Variants in TIAM1 observed in about 807,000 individuals in gnomAD.
The protein encoded by TIAM1 is TIAM Rac1 associated GEF 1, also known as rho guanine nucleotide exchange factor TIAM1.
A neutral mutation model predicts 163.5 loss-of-function variants in TIAM1; 65 were observed. That is an observed-to-expected ratio of 0.40 (90% CI 0.33 to 0.49). The LOEUF (loss-of-function observed/expected upper bound fraction) is 0.49, where lower values mean the gene tolerates loss of function less well. Among genes scored for constraint, TIAM1 ranks in the 20% least tolerant of loss-of-function variants. TIAM1 has a pLI of 0.77. For missense variants in TIAM1, 1,789 were observed against 2,044.7 expected (o/e 0.87, Z 2.41); for synonymous variants, 833 against 810.1 (o/e 1.03, Z -0.48).
At chr21:31,147,673 GAT>G (rs906092810) in intron 19 of TIAM1, among the ~76,000 whole-genome samples, 22 of 137,732 alleles carry the variant, frequency 1.6e-4, no homozygotes, top group African/African-American at 2.7e-4. Context: ...ATAATATATA[GAT>G]ATATATAAAT....
At position 31,423,379 on chromosome 21, in the gene TIAM1, T is replaced by G. The variant is rs185771526; in HGVS notation, c.-369+40604A>C. On this transcript the variant is annotated intron_variant, in intron 2 of 28. Transcript: ENST00000286827. ...TCCCAAAGCGCTGGGATTACAGGCG[T>G]GAGCCACCGCGCCCAGCCTGGCACT... is the stretch of plus-strand genomic sequence containing the variant. Among the ~76,000 whole-genome samples the G allele has an allele frequency of 3.9e-5, 6 of 152,170 alleles. No individual in the cohort carries two copies. In the East Asian group the frequency reaches 1.2e-3, roughly 30 times the overall value.
intron 2 of TIAM1, among the ~76,000 whole-genome samples, chr21:31,432,091 C>CTTTTTTTTTTTTTTTT (rs11291911): frequency 4.3e-5 from 4 of 93,664 alleles, no homozygotes; most frequent in African/African-American, 1.8e-4. Flanking sequence ...TCTAAGATTC[C>CTTTTTTTTTTTTTTTT]TTTTTTTTTT....
chr21:31,178,303 C>CTTTTTTTTT (rs10671534), intron 15 of TIAM1, among the ~76,000 whole-genome samples: 9 of 96,160 alleles, frequency 9.4e-5, no homozygotes, highest in East Asian at 7.4e-4. Context: ...TTCAGGAATT[C>CTTTTTTTTT]TTTTTTTTTT....
intron 16 of TIAM1, among the ~76,000 whole-genome samples, chr21:31,155,288 T>A (rs1166517507): frequency 6.6e-6 from 1 of 152,238 alleles, no homozygotes. Flanking sequence ...TTTTCCAACT[T>A]GGCTGCTTAT....
At chr21:31,143,140 C>A (rs2082935326) in intron 20 of TIAM1, among the ~76,000 whole-genome samples, 1 of 152,148 alleles carries the variant, frequency 6.6e-6, no homozygotes, top group Non-Finnish European at 1.5e-5. Flanking sequence ...ACCCCTCCCC[C>A]ATACCTCGCC....
chr21:31,393,052 C>A (rs563721047), intron 2 of TIAM1, among the ~76,000 whole-genome samples: 1 of 151,530 alleles, frequency 6.6e-6, no homozygotes, highest in Admixed American at 6.6e-5. Context: ...CCCTCCTGGG[C>A]GCAAGCAATT....
chr21:31,164,525 A>T (rs1265592712), intron 16 of TIAM1, among the ~76,000 whole-genome samples: 1 of 152,228 alleles, frequency 6.6e-6, no homozygotes, highest in East Asian at 1.9e-4. Context: ...TCCCTTTAAC[A>T]TAAAAGTTGC....
chr21:31,338,913 A>ATCCAAATCAATTCCTTCTTCCCCTT (rs2075936141), intron 2 of TIAM1, among the ~76,000 whole-genome samples: 1 of 152,198 alleles, frequency 6.6e-6, no homozygotes. Context: ...CCCCAGCTGC[A>ATCCAAATCAATTCCTTCTTCCCCTT]TCCAAATCAA....
chr21:31,301,302 A>T (rs2074489792), intron 2 of TIAM1, among the ~76,000 whole-genome samples: 1 of 152,214 alleles, frequency 6.6e-6, no homozygotes, highest in East Asian at 1.9e-4. Context: ...AGTGGAATTT[A>T]AAATTCTACA....
At chr21:31,469,299 T>C (rs2147368937) in intron 1 of TIAM1, among the ~76,000 whole-genome samples, 1 of 151,308 alleles carries the variant, frequency 6.6e-6, no homozygotes, top group South Asian at 2.1e-4. Context: ...AAGGGTCTCA[T>C]TATGTTGCCC....
At chr21:31,194,068 G>A (rs919172162) in intron 13 of TIAM1, among the ~76,000 whole-genome samples, 8 of 152,104 alleles carry the variant, frequency 5.3e-5, no homozygotes, top group Middle Eastern at 3.4e-3. Flanking sequence ...GCATTCCGCC[G>A]CTGGCCGGAA....
At chr21:31,337,936 C>T (rs1480813263) in intron 2 of TIAM1, among the ~76,000 whole-genome samples, 6 of 152,098 alleles carry the variant, frequency 3.9e-5, no homozygotes, top group Admixed American at 1.3e-4. Context: ...GCTTTGGCTC[C>T]GCTCTCTGTT....
chr21:31,185,507 TTA>T lies in TIAM1; in HGVS notation c.2662+1492_2662+1493del, dbSNP rs1186115656. On this transcript the variant is annotated intron_variant, in intron 14 of 27. Transcript: ENST00000541036. ...ATTTATATATTATATGCTTATATAT[TTA>T]TATATAATATGCTAATATAATATAT... 2.1e-5 allele frequency among the ~76,000 whole-genome samples: 3 copies of T among 143,456 alleles called. No individual in the cohort carries two copies. In the East Asian group the frequency reaches 5.9e-4, roughly 28 times the overall value. 94.1% of individuals were successfully genotyped at this position (143,456 alleles called of 152,430 possible). A position where few individuals can be genotyped will look rare whatever the true frequency, so the allele number is the denominator to read the frequency against.
intron 2 of TIAM1, among the ~76,000 whole-genome samples, chr21:31,458,385 A>G (rs2147342753): frequency 6.6e-6 from 1 of 151,924 alleles, no homozygotes; most frequent in East Asian, 1.9e-4. Flanking sequence ...ACACCATTGC[A>G]CTCCAGCCTG....
upstream of TIAM1, among the ~76,000 whole-genome samples, chr21:31,347,445 C>T (rs963363627): frequency 3.3e-5 from 5 of 152,312 alleles, no homozygotes; most frequent in South Asian, 2.1e-4. Flanking sequence ...GTAAGGAAGA[C>T]GCCTATCCCT....
intron 13 of TIAM1, among the ~76,000 whole-genome samples, chr21:31,192,847 C>A (rs1441570666): frequency 6.6e-6 from 1 of 152,170 alleles, no homozygotes; most frequent in Admixed American, 6.6e-5. Flanking sequence ...GAGTGACAAG[C>A]ACTGTCCCAG....
chr21:31,538,812 T>C (rs1040282634), intron 1 of TIAM1, among the ~76,000 whole-genome samples: 1 of 152,198 alleles, frequency 6.6e-6, no homozygotes, highest in East Asian at 1.9e-4. Flanking sequence ...AACGTTTTTA[T>C]GCATTTCTCG....
chr21:31,314,810 C>T (rs936789419), intron 2 of TIAM1, among the ~76,000 whole-genome samples: 2 of 152,042 alleles, frequency 1.3e-5, no homozygotes, highest in African/African-American at 4.8e-5. Context: ...TCTGCATAGG[C>T]CCTGGGAATG....
intron 1 of TIAM1, among the ~76,000 whole-genome samples, chr21:31,524,921 G>A (rs1427918877): frequency 2.6e-5 from 4 of 151,986 alleles, no homozygotes; most frequent in African/African-American, 7.3e-5. Flanking sequence ...CAAAGAAAAG[G>A]GGTCTATTTG....
Sources: allele counts gnomAD v4.1 joint callset (sites outside exome capture counted in the v4.1 genomes callset), GRCh38; gene constraint gnomAD v4.1.1; transcripts MANE v1.5; gene names NCBI Gene and HGNC (gene_info 2026-07-23, HGNC 2026-07-21).